Variants in CAMK1D observed in about 807,000 individuals in gnomAD.
CAMK1D encodes calcium/calmodulin dependent protein kinase ID.
In CAMK1D, 9 loss-of-function variants were observed where a neutral mutation model predicts 47.7. That is an observed-to-expected ratio of 0.19 (90% CI 0.11 to 0.33). The LOEUF is 0.33. Among genes scored for constraint, CAMK1D ranks in the 10% least tolerant of loss-of-function variants. The probability of loss-of-function intolerance (pLI) is 1.00; values close to 1 mark genes in which losing one functional copy is unlikely to be tolerated. For missense variants in CAMK1D, 291 were observed against 488.7 expected (o/e 0.60, Z 3.81); for synonymous variants, 184 against 184.9 (o/e 0.99, Z 0.04).
intron 1 of CAMK1D, among the ~76,000 whole-genome samples, chr10:12,492,751 C>A (rs992853486): frequency 1.3e-5 from 2 of 152,214 alleles, no homozygotes; most frequent in African/African-American, 4.8e-5. Flanking sequence ...ATTCTCACCA[C>A]CCCAAGGAGT....
chr10:12,408,947 G>A (rs1213582680), intron 1 of CAMK1D, among the ~76,000 whole-genome samples: 3 of 145,238 alleles, frequency 2.1e-5, no homozygotes, highest in African/African-American at 5.1e-5. Flanking sequence ...TCCACCTCCC[G>A]GATTCAAGCA....
intron 1 of CAMK1D, among the ~76,000 whole-genome samples, chr10:12,469,852 T>G (rs1588521274): frequency 6.6e-6 from 1 of 152,346 alleles, no homozygotes; most frequent in East Asian, 1.9e-4. Flanking sequence ...GAACCTTTTT[T>G]CTTCCTGGCT....
chr10:12,769,864 C>T, intron 5 of CAMK1D, 65 bp downstream of exon 5: 1 of 1,564,752 alleles, frequency 6.4e-7, no homozygotes, highest in Non-Finnish European at 8.8e-7. Flanking sequence ...GTGGTGTCAC[C>T]ACGTGTCAAC....
chr10:12,672,896 C>CTTTT (rs750447013), intron 3 of CAMK1D, among the ~76,000 whole-genome samples: 7 of 76,494 alleles, frequency 9.2e-5, no homozygotes, highest in South Asian at 4.7e-4. Flanking sequence ...ATAGGCTTGC[C>CTTTT]TTTTTTTTTT....
intron 1 of CAMK1D, among the ~76,000 whole-genome samples, chr10:12,512,642 C>T (rs1400389291): frequency 3.3e-5 from 5 of 152,166 alleles, no homozygotes; most frequent in Non-Finnish European, 7.3e-5. Context: ...ACTGGGGCAT[C>T]GTTTTCTGAT....
At chr10:12,496,430 A>G (rs1834541638) in intron 1 of CAMK1D, among the ~76,000 whole-genome samples, 1 of 152,200 alleles carries the variant, frequency 6.6e-6, no homozygotes, top group South Asian at 2.1e-4. Context: ...GCATGATTGC[A>G]TGGTCCTAAA....
intron 1 of CAMK1D, among the ~76,000 whole-genome samples, chr10:12,372,795 AT>A (rs35222908): frequency 0.22 from 32,712 of 151,752 alleles, 3,997 homozygotes; most frequent in South Asian, 0.33. Flanking sequence ...GGCTCAGCTA[AT>A]TTTTTTGCAT....
chr10:12,820,467 G>A (rs938582829), intron 8 of CAMK1D, among the ~76,000 whole-genome samples: 2 of 152,232 alleles, frequency 1.3e-5, no homozygotes, highest in Admixed American at 1.3e-4. Flanking sequence ...GGGCAAAGTA[G>A]AACACAGATT....
chr10:12,666,554 C>G (rs563607004), intron 2 of CAMK1D, among the ~76,000 whole-genome samples, 182 bp from the exon 3 acceptor site: 36 of 152,266 alleles, frequency 2.4e-4, no homozygotes, highest in African/African-American at 8.4e-4. Context: ...GAATGGAGAT[C>G]AGGGAAGGAC....
chr10:12,618,717 GA>G lies in CAMK1D; in HGVS notation c.225-48010del, dbSNP rs58015035. On this transcript the variant is annotated intron_variant, in intron 2 of 10. Transcript: ENST00000619168. The stretch of plus-strand genomic sequence containing the variant: ...GCTTGGTATTTAGAGGGATTCATGG[GA>G]AAAAAAAAGAGACTCTTCTCAAGAA... 4.5e-3 allele frequency among the ~76,000 whole-genome samples: 673 copies of G among 150,008 alleles called. 5 individuals are homozygous for G. Among genetic ancestry groups the G allele is most frequent in the East Asian group, 0.042 (215 of 5,128 alleles).
chr10:12,626,606 T>G (rs188793001), intron 2 of CAMK1D, among the ~76,000 whole-genome samples: 40 of 152,092 alleles, frequency 2.6e-4, no homozygotes, highest in Non-Finnish European at 4.7e-4. Flanking sequence ...CCTAAGCAGC[T>G]AGGATTATAG....
In CAMK1D at chr10:12,829,170, C is replaced by A; in HGVS notation, c.*283C>A. The A allele has an allele frequency of 3.3e-6, 1 of 300,096 alleles. No homozygotes were observed. The highest frequency in any genetic ancestry group is 6.1e-6 in the Non-Finnish European group (1 of 163,666). The allele number at this position is 300,096 out of a possible 1,614,324, so 18.6% of individuals were successfully genotyped here. The stretch of plus-strand genomic sequence containing the variant: ...GAACGGACCTTCTTATTCCTCTCCC[C>A]TAACACCATCGTTTCCACTCTTCTC... On this transcript the variant is annotated 3_prime_UTR_variant, in exon 11 of 11. Transcript: ENST00000619168.
At chr10:12,569,527 G>A (rs892320870) in intron 2 of CAMK1D, among the ~76,000 whole-genome samples, 99 of 149,550 alleles carry the variant, frequency 6.6e-4, no homozygotes, top group African/African-American at 2.3e-3. Context: ...TGGCTAAGAC[G>A]GTGAAACCCC....
At chr10:12,522,950 C>A (rs1835480145) in intron 1 of CAMK1D, among the ~76,000 whole-genome samples, 1 of 102,556 alleles carries the variant, frequency 9.8e-6, no homozygotes, top group Admixed American at 8.9e-5. Flanking sequence ...GACGGGGCGG[C>A]TGGCCTGGTG....
chr10:12,430,383 C>G (rs1363134634), intron 1 of CAMK1D, among the ~76,000 whole-genome samples: 1 of 152,228 alleles, frequency 6.6e-6, no homozygotes, highest in Non-Finnish European at 1.5e-5. Flanking sequence ...TCTGTGGGTC[C>G]TTTGGCCTCC....
chr10:12,485,602 G>A (rs1408011441), intron 1 of CAMK1D, among the ~76,000 whole-genome samples: 1 of 152,114 alleles, frequency 6.6e-6, no homozygotes, highest in African/African-American at 2.4e-5. Context: ...GGAAGGGAGG[G>A]TGGGGCTTCG....
At chr10:12,391,443 G>A (rs896284461) in intron 1 of CAMK1D, among the ~76,000 whole-genome samples, 41 of 152,084 alleles carry the variant, frequency 2.7e-4, no homozygotes, top group African/African-American at 9.9e-4. Flanking sequence ...CCCCAGCTGG[G>A]ATCACCGGTT....
At chr10:12,801,564 C>A (rs1372514077) in intron 6 of CAMK1D, among the ~76,000 whole-genome samples, 3 of 151,696 alleles carry the variant, frequency 2.0e-5, no homozygotes, top group African/African-American at 7.3e-5. Flanking sequence ...CATCCATTCA[C>A]CAATCCATTC....
At chr10:12,765,900 T>A (rs1454797722) in intron 4 of CAMK1D, among the ~76,000 whole-genome samples, 1 of 151,778 alleles carries the variant, frequency 6.6e-6, no homozygotes, top group Non-Finnish European at 1.5e-5. Flanking sequence ...AAAAAACTAG[T>A]TAGGGCTAGG....
Sources: gnomAD v4.1 joint callset for allele counts (sites outside exome capture counted in the v4.1 genomes callset) on GRCh38, gnomAD v4.1.1 for gene constraint, MANE v1.5 for transcripts, NCBI Gene and HGNC (gene_info 2026-07-23, HGNC 2026-07-21) for gene names.